HAPLN1: variants seen among roughly 807,000 people sequenced by gnomAD.
HAPLN1 encodes the protein Cartilage link protein.
In HAPLN1, 13 loss-of-function variants were observed where a neutral mutation model predicts 36.5. The observed-to-expected ratio is 0.36, with a 90% confidence interval of 0.23 to 0.57. The LOEUF (loss-of-function observed/expected upper bound fraction) is 0.57, where lower values mean the gene tolerates loss of function less well. Ranked by LOEUF, HAPLN1 falls within the 20% of genes least tolerant of loss-of-function variation. The pLI is 0.83. For synonymous variants in HAPLN1, 202 were observed against 169.8 expected, an observed-to-expected ratio of 1.19 and a Z score of -1.48; for missense variants, 407 against 439.7, an observed-to-expected ratio of 0.93 and a Z score of 0.66.
intron 1 of HAPLN1, among the ~76,000 whole-genome samples, chr5:83,676,930 T>A (rs1750874586): frequency 6.6e-6 from 1 of 152,246 alleles, no homozygotes; most frequent in African/African-American, 2.4e-5. Flanking sequence ...TTTACAGTCC[T>A]GCTTTGTTGA....
chr5:83,702,589 A>T (rs935713250), intron 1 of HAPLN1, among the ~76,000 whole-genome samples: 2 of 152,212 alleles, frequency 1.3e-5, no homozygotes, highest in African/African-American at 4.8e-5. Context: ...GTTACTCAGA[A>T]CATAGTCAAG....
chr5:83,693,933 C>T (rs1751335104), intron 1 of HAPLN1, among the ~76,000 whole-genome samples: 1 of 151,868 alleles, frequency 6.6e-6, no homozygotes, highest in African/African-American at 2.4e-5. Context: ...GACTTGAATA[C>T]TGTAAACCAA....
intron 2 of HAPLN1, among the ~76,000 whole-genome samples, chr5:83,662,905 C>T (rs1413065528): frequency 6.6e-6 from 1 of 152,204 alleles, no homozygotes; most frequent in Non-Finnish European, 1.5e-5. Flanking sequence ...TCGAAATAAT[C>T]CCATCACAGG....
rs112953406 is a variant in HAPLN1, at chr5:83,698,658, A to G, written c.-27+22131T>C. On this transcript the variant is annotated intron_variant, in intron 1 of 4. Transcript: ENST00000274341. ...CTTTCTATGGTGCTTTACATATATTATCTTGGCAGTATCTTGGCTACAAAC... is the reference window on the plus strand; with the variant it reads ...CTTTCTATGGTGCTTTACATATATTGTCTTGGCAGTATCTTGGCTACAAAC... 5.4e-3 allele frequency among the ~76,000 whole-genome samples: 828 copies of G among 152,320 alleles called. 8 individuals are homozygous for G. Among genetic ancestry groups the G allele is most frequent in the African/African-American group, 0.019 (787 of 41,574 alleles).
chr5:83,689,398 C>A (rs574163772), intron 1 of HAPLN1, among the ~76,000 whole-genome samples: 1 of 152,010 alleles, frequency 6.6e-6, no homozygotes, highest in Admixed American at 6.6e-5. Flanking sequence ...CTATGTTTCC[C>A]TGGAAATATA....
At chr5:83,672,846 A>T (rs1750764172) in intron 2 of HAPLN1, among the ~76,000 whole-genome samples, 1 of 152,230 alleles carries the variant, frequency 6.6e-6, no homozygotes, top group African/African-American at 2.4e-5. Flanking sequence ...CTGAGGAAAT[A>T]GCTGCATTGT....
In HAPLN1 at chr5:83,699,846, CT is replaced by C. The variant is rs541067328; in HGVS notation, c.-27+20942del. On this transcript the variant is annotated intron_variant, in intron 1 of 4. Transcript: ENST00000274341. ...CAATAGGAGCATGAAGCAAACAACA[CT>C]TCTATTTTAACATTAAAAGCAGAGT... Among the ~76,000 whole-genome samples the C allele has an allele frequency of 1.8e-4, 27 of 152,292 alleles. 1 individual carries two copies. In the South Asian group the frequency reaches 5.0e-3, roughly 28 times the overall value.
intron 1 of HAPLN1, among the ~76,000 whole-genome samples, chr5:83,699,795 T>A (rs1460779019): frequency 6.6e-6 from 1 of 152,202 alleles, no homozygotes; most frequent in Non-Finnish European, 1.5e-5. Flanking sequence ...GATAATAAGC[T>A]TAACAACCAA....
chr5:83,648,480 T>G (rs1171569120), intron 3 of HAPLN1, among the ~76,000 whole-genome samples: 2 of 146,378 alleles, frequency 1.4e-5, no homozygotes, highest in African/African-American at 5.0e-5. Flanking sequence ...AGTTTGGATA[T>G]ATATATGGCT....
chr5:83,707,469 A>G (rs938253269), intron 1 of HAPLN1, among the ~76,000 whole-genome samples: 1 of 152,198 alleles, frequency 6.6e-6, no homozygotes, highest in Non-Finnish European at 1.5e-5. Context: ...AACTGATAAA[A>G]ACAAGCAATG....
At chr5:83,707,922 C>T (rs374682872) in intron 1 of HAPLN1, among the ~76,000 whole-genome samples, 5 of 152,082 alleles carry the variant, frequency 3.3e-5, no homozygotes, top group East Asian at 1.9e-4. Context: ...CAGAATTTTC[C>T]GAAGAAGGCA....
intron 1 of HAPLN1, among the ~76,000 whole-genome samples, chr5:83,694,457 CAA>C (rs1751346934): frequency 6.6e-6 from 1 of 151,642 alleles, no homozygotes; most frequent in South Asian, 2.1e-4. Context: ...TAAGTAAAAA[CAA>C]AAGATGGTTC....
At chr5:83,648,751 T>C (rs987271540) in intron 3 of HAPLN1, among the ~76,000 whole-genome samples, 3 of 152,000 alleles carry the variant, frequency 2.0e-5, no homozygotes, top group African/African-American at 4.8e-5. Context: ...CACTGCCTGA[T>C]TGGTAGATAG....
intron 1 of HAPLN1, among the ~76,000 whole-genome samples, chr5:83,689,064 C>A (rs1751209975): frequency 6.6e-6 from 1 of 152,154 alleles, no homozygotes; most frequent in South Asian, 2.1e-4. Context: ...GGAGGATTTG[C>A]AAAGCCTACA....
At position 83,644,392 on chromosome 5, in the gene HAPLN1, T is replaced by G. The variant is rs1421250348; in HGVS notation, c.746A>C (p.Asp249Ala). 6.3e-7 allele frequency: 1 copy of G among 1,583,202 alleles called. No individual in the cohort carries two copies. The highest frequency in any genetic ancestry group is 8.6e-7 in the Non-Finnish European group (1 of 1,166,722). ...GAAATTGGATGTAAAACAGAAAACA[T>G]CATATCTGCTTTTATCTTTATCCCA... ...GFWDKDKSRY[D>A]VFCFTSNFNG... is the part of the protein sequence containing the mutation. The change falls in exon 4 of 5, where the codon GAT becomes GCT. Residue 249 changes from aspartate to alanine, a missense_variant. By Grantham distance (126) the Asp-to-Ala change is moderately radical. Coordinates refer to ENST00000274341, the MANE Select transcript of HAPLN1 (RefSeq NM_001884.4).
chr5:83,681,621 C>T (rs186764504), intron 1 of HAPLN1, among the ~76,000 whole-genome samples: 5 of 152,128 alleles, frequency 3.3e-5, no homozygotes, highest in African/African-American at 1.2e-4. Context: ...AGTGATTCTT[C>T]CACCTCGGCT....
At chr5:83,657,644 C>A (rs571125364) in intron 2 of HAPLN1, among the ~76,000 whole-genome samples, 1 of 152,000 alleles carries the variant, frequency 6.6e-6, no homozygotes, top group East Asian at 1.9e-4. Flanking sequence ...TTGGGAACCT[C>A]CCTGATACAA....
chr5:83,672,633 G>A (rs948320976), intron 2 of HAPLN1, among the ~76,000 whole-genome samples: 5 of 152,160 alleles, frequency 3.3e-5, no homozygotes, highest in African/African-American at 1.2e-4. Context: ...ATGTAACTTA[G>A]AGTTTTATGT....
intron 2 of HAPLN1, among the ~76,000 whole-genome samples, chr5:83,664,272 G>T (rs2112584983): frequency 6.6e-6 from 1 of 152,250 alleles, no homozygotes; most frequent in Non-Finnish European, 1.5e-5. Flanking sequence ...TCAGATCTCA[G>T]CTTGATGTCC....
Sources: allele counts gnomAD v4.1 joint callset (sites outside exome capture counted in the v4.1 genomes callset), GRCh38; gene constraint gnomAD v4.1.1; transcripts MANE v1.5; gene names NCBI Gene and HGNC (gene_info 2026-07-23, HGNC 2026-07-21).